DACH1: variants seen among roughly 807,000 people sequenced by gnomAD.
The protein encoded by DACH1 is dachshund family transcription factor 1.
A neutral mutation model predicts 54.2 loss-of-function variants in DACH1; 12 were observed. The ratio of observed to expected loss-of-function variants is 0.22; its 90% CI spans 0.14 to 0.36. DACH1 has a LOEUF of 0.36. Among genes scored for constraint, DACH1 ranks in the 10% least tolerant of loss-of-function variants. The pLI, the probability that DACH1 is intolerant of heterozygous loss-of-function variation, is 1.00. For missense variants in DACH1, 805 were observed against 929.8 expected, an observed-to-expected ratio of 0.87 and a Z score of 1.75; for synonymous variants, 386 against 366.2, an observed-to-expected ratio of 1.05 and a Z score of -0.62.
At chr13:71,806,569 A>G (rs1183406413) in intron 1 of DACH1, among the ~76,000 whole-genome samples, 1 of 152,220 alleles carries the variant, frequency 6.6e-6, no homozygotes, top group Non-Finnish European at 1.5e-5. Context: ...ACAAAAATTC[A>G]GACATTAAGT....
intron 1 of DACH1, among the ~76,000 whole-genome samples, chr13:71,700,424 C>T (rs1332873511): frequency 6.6e-6 from 1 of 151,798 alleles, no homozygotes; most frequent in Admixed American, 6.6e-5. Flanking sequence ...GGGGTGGTGA[C>T]GCACGGCTGT....
intron 1 of DACH1, among the ~76,000 whole-genome samples, chr13:71,831,803 T>C (rs1888600738): frequency 1.3e-5 from 2 of 152,024 alleles, no homozygotes; most frequent in Admixed American, 1.3e-4. Context: ...GGAAACTGTA[T>C]AGTTTTGAAA....
rs140143544 is a variant in DACH1 at position 71,527,974 on chromosome 13, G to C, written c.1570+29050C>G. On this transcript the variant is annotated intron_variant, in intron 6 of 10. Coordinates refer to ENST00000613252, the MANE Select transcript of DACH1 (RefSeq NM_080759.6). ...CTCTTAGGCATATAACCATATAACAGTTCAAGATGATAACAATGTTATGGG... is the reference window on the plus strand; with the variant it reads ...CTCTTAGGCATATAACCATATAACACTTCAAGATGATAACAATGTTATGGG... Among the ~76,000 whole-genome samples, 36 of 151,750 alleles carry C rather than the reference G, an allele frequency of 2.4e-4. No homozygotes were observed. In the East Asian group the frequency reaches 5.6e-3, roughly 24 times the overall value.
At chr13:71,720,840 G>A (rs1883199869) in intron 1 of DACH1, among the ~76,000 whole-genome samples, 1 of 151,996 alleles carries the variant, frequency 6.6e-6, no homozygotes, top group Non-Finnish European at 1.5e-5. Context: ...TTATTTTCTT[G>A]CAGTAGTTAC....
chr13:71,811,454 C>T (rs963543763), intron 1 of DACH1, among the ~76,000 whole-genome samples: 4 of 152,014 alleles, frequency 2.6e-5, no homozygotes, highest in African/African-American at 4.8e-5. Flanking sequence ...TTTTCCATCA[C>T]GATTTATGAA....
At chr13:71,510,675 C>G (rs1350434425) in intron 6 of DACH1, among the ~76,000 whole-genome samples, 1 of 151,916 alleles carries the variant, frequency 6.6e-6, no homozygotes, top group African/African-American at 2.4e-5. Context: ...GTTTTTGAGA[C>G]TCAAAACTGT....
intron 6 of DACH1, among the ~76,000 whole-genome samples, chr13:71,526,660 GAAGT>G (rs1278273288): frequency 3.3e-5 from 5 of 151,176 alleles, no homozygotes; most frequent in Admixed American, 2.0e-4. Flanking sequence ...CAATCATTTT[GAAGT>G]AAGAATTGTT....
chr13:71,820,815 G>A (rs1888155748), intron 1 of DACH1, among the ~76,000 whole-genome samples: 1 of 152,132 alleles, frequency 6.6e-6, no homozygotes, highest in African/African-American at 2.4e-5. Flanking sequence ...CTACAAAAGT[G>A]GAAGGAGAGG....
chr13:71,531,705 T>C (rs1882427518), intron 6 of DACH1, among the ~76,000 whole-genome samples: 1 of 151,828 alleles, frequency 6.6e-6, no homozygotes, highest in Non-Finnish European at 1.5e-5. Flanking sequence ...GAAATAGAAG[T>C]AAGATTTTTA....
chr13:71,496,261 G>GTGTA (rs542382466), intron 6 of DACH1, among the ~76,000 whole-genome samples: 5 of 37,146 alleles, frequency 1.3e-4, no homozygotes, highest in African/African-American at 6.4e-4. Context: ...AAATTGCTAT[G>GTGTA]TATATATATA....
intron 1 of DACH1, among the ~76,000 whole-genome samples, chr13:71,829,837 C>T (rs1403954679): frequency 6.6e-6 from 1 of 151,828 alleles, no homozygotes; most frequent in Non-Finnish European, 1.5e-5. Context: ...GGCATTTGCA[C>T]TTATGTACTT....
chr13:71,634,608 T>G (rs1877336361), intron 2 of DACH1, among the ~76,000 whole-genome samples: 1 of 152,196 alleles, frequency 6.6e-6, no homozygotes, highest in Admixed American at 6.5e-5. Context: ...GGTTCCTGAC[T>G]CTTAACTATC....
At chr13:71,805,349 G>T (rs1382023878) in intron 1 of DACH1, among the ~76,000 whole-genome samples, 2 of 152,098 alleles carry the variant, frequency 1.3e-5, no homozygotes, top group African/African-American at 4.8e-5. Flanking sequence ...GGTTTCGGTT[G>T]CCTCAAAAGA....
At chr13:71,831,977 T>A (rs74099150) in intron 1 of DACH1, among the ~76,000 whole-genome samples, 3,440 of 151,848 alleles carry the variant, frequency 0.023, 104 homozygotes, top group African/African-American at 0.078. Flanking sequence ...CTGACCAGAC[T>A]TTTTTTTGAG....
intron 6 of DACH1, among the ~76,000 whole-genome samples, chr13:71,502,779 T>G (rs1262505772): frequency 6.6e-6 from 1 of 152,204 alleles, no homozygotes; most frequent in Admixed American, 6.5e-5. Context: ...TGTGTAGGTT[T>G]CCAAATCACC....
intron 1 of DACH1, among the ~76,000 whole-genome samples, chr13:71,850,395 C>T (rs923413544): frequency 7.1e-4 from 108 of 152,222 alleles, no homozygotes; most frequent in African/African-American, 2.4e-3. Context: ...CTCTAGTTGT[C>T]CAAACCATGC....
At chr13:71,738,129 A>G (rs1174772143) in intron 1 of DACH1, among the ~76,000 whole-genome samples, 2 of 152,330 alleles carry the variant, frequency 1.3e-5, no homozygotes, top group South Asian at 4.1e-4. Context: ...GAGAACCTCA[A>G]GTATTCTTGC....
At chr13:71,554,802 G>T (rs1884133398) in intron 6 of DACH1, among the ~76,000 whole-genome samples, 1 of 152,054 alleles carries the variant, frequency 6.6e-6, no homozygotes. Context: ...CATCAACCTA[G>T]TATATTATTT....
intron 10 of DACH1, among the ~76,000 whole-genome samples, chr13:71,448,307 T>C (rs988845408): frequency 1.3e-5 from 2 of 152,130 alleles, no homozygotes; most frequent in Non-Finnish European, 2.9e-5. Flanking sequence ...TAATATAAAA[T>C]ATAGTAGCCG....
Sources: gnomAD v4.1 joint callset for allele counts (sites outside exome capture counted in the v4.1 genomes callset) on GRCh38, gnomAD v4.1.1 for gene constraint, MANE v1.5 for transcripts, NCBI Gene and HGNC (gene_info 2026-07-23, HGNC 2026-07-21) for gene names.